VTI1A: variants seen among roughly 807,000 people sequenced by gnomAD.
VTI1A encodes vesicle transport through interaction with t-SNAREs 1A, also known as vesicle transport through interaction with t-SNAREs homolog 1A.
Under a neutral mutation model 34.9 loss-of-function variants are expected in VTI1A, and 22 were observed. The observed-to-expected ratio is 0.63, with a 90% CI of 0.45 to 0.90. The LOEUF (loss-of-function observed/expected upper bound fraction) is 0.90. Ranked by LOEUF, VTI1A falls within the 40% of genes least tolerant of loss-of-function variation. The pLI is 0.00. For missense variants in VTI1A, 268 were observed against 275.6 expected (o/e 0.97, Z 0.20); for synonymous variants, 87 against 97.3 (o/e 0.89, Z 0.62).
intron 7 of VTI1A, among the ~76,000 whole-genome samples, chr10:112,812,146 G>A (rs1354498713): frequency 1.3e-5 from 2 of 152,254 alleles, no homozygotes; most frequent in Non-Finnish European, 2.9e-5. Flanking sequence ...AATGCAGCAT[G>A]CAAATGCACA....
chr10:112,818,757 C>T (rs1047956349), downstream of VTI1A: 11 of 187,818 alleles, frequency 5.9e-5, no homozygotes, highest in Admixed American at 1.2e-4. Flanking sequence ...ATTTGTTTAT[C>T]GCTTTTTTTT....
chr10:112,501,109 A>G (rs1268930737), intron 3 of VTI1A, among the ~76,000 whole-genome samples: 1 of 152,222 alleles, frequency 6.6e-6, no homozygotes, highest in African/African-American at 2.4e-5. Context: ...CTCACAGTTC[A>G]GGAACCTGTT....
At chr10:112,559,527 C>G (rs1458005069) in intron 5 of VTI1A, among the ~76,000 whole-genome samples, 1 of 152,006 alleles carries the variant, frequency 6.6e-6, no homozygotes, top group East Asian at 1.9e-4. Context: ...TCACTGCAGG[C>G]CTCCTTCCCA....
intron 1 of VTI1A, among the ~76,000 whole-genome samples, chr10:112,459,980 AG>A (rs1331532174): frequency 5.9e-5 from 9 of 152,210 alleles, no homozygotes; most frequent in African/African-American, 1.9e-4. Flanking sequence ...TTTCTTGCCC[AG>A]GATCCCATAA....
intron 5 of VTI1A, among the ~76,000 whole-genome samples, chr10:112,653,205 T>G (rs190820930): frequency 1.6e-3 from 240 of 152,314 alleles, no homozygotes; most frequent in Non-Finnish European, 2.6e-3. Context: ...AGCTGAAGTG[T>G]TTCCATTTGA....
At position 112,616,767 on chromosome 10, in the gene VTI1A, A is replaced by G. The variant is rs370192597; in HGVS notation, c.428-51451A>G. 1.8e-3 allele frequency among the ~76,000 whole-genome samples: 272 copies of G among 152,312 alleles called. 1 individual carries two copies. The highest frequency in any genetic ancestry group is 6.8e-3 in the Middle Eastern group (2 of 294). ...GAACCATACAGAACTTTTTGAAATTAAAATCTGGAGGAATGGATTTAAAAG... is the reference window on the plus strand; with the variant it reads ...GAACCATACAGAACTTTTTGAAATTGAAATCTGGAGGAATGGATTTAAAAG... On this transcript the variant is annotated intron_variant, in intron 5 of 7. Transcript: ENST00000393077.
intron 7 of VTI1A, among the ~76,000 whole-genome samples, chr10:112,709,306 A>T (rs11196067): frequency 0.32 from 48,457 of 152,076 alleles, 9,335 homozygotes; most frequent in Admixed American, 0.42. Context: ...TCACAGATAA[A>T]GAGTATACAA....
At chr10:112,748,787 G>A (rs959336069) in intron 7 of VTI1A, among the ~76,000 whole-genome samples, 4 of 149,150 alleles carry the variant, frequency 2.7e-5, no homozygotes, top group African/African-American at 7.7e-5. Context: ...CACCATGCCC[G>A]GCTAATTTTT....
chr10:112,749,082 T>C (rs560212211), intron 7 of VTI1A, among the ~76,000 whole-genome samples: 1 of 152,244 alleles, frequency 6.6e-6, no homozygotes, highest in Non-Finnish European at 1.5e-5. Context: ...AGACTGATTT[T>C]CTAACAGAAC....
At chr10:112,669,587 A>G (rs529011068) in intron 7 of VTI1A, among the ~76,000 whole-genome samples, 5 of 152,332 alleles carry the variant, frequency 3.3e-5, no homozygotes, top group African/African-American at 1.2e-4. Flanking sequence ...AAATAGATGA[A>G]TGAATGTAGG....
chr10:112,509,863 T>C (rs906969687), intron 3 of VTI1A, among the ~76,000 whole-genome samples: 1 of 152,234 alleles, frequency 6.6e-6, no homozygotes, highest in African/African-American at 2.4e-5. Flanking sequence ...GGTAAGCTTC[T>C]TTGTGAAAGG....
intron 7 of VTI1A, among the ~76,000 whole-genome samples, chr10:112,738,112 A>G (rs1052335881): frequency 5.1e-4 from 78 of 152,260 alleles, no homozygotes; most frequent in African/African-American, 1.9e-3. Context: ...GTAGGAAGGG[A>G]GTTTAGATTC....
At chr10:112,491,792 C>T (rs1848833775) in intron 3 of VTI1A, among the ~76,000 whole-genome samples, 1 of 152,156 alleles carries the variant, frequency 6.6e-6, no homozygotes, top group Non-Finnish European at 1.5e-5. Flanking sequence ...GTAACTACTG[C>T]ACCACATTAT....
At chr10:112,568,520 A>C (rs1474956168) in intron 5 of VTI1A, among the ~76,000 whole-genome samples, 1 of 152,062 alleles carries the variant, frequency 6.6e-6, no homozygotes, top group Non-Finnish European at 1.5e-5. Context: ...CAAAAAAAAA[A>C]AATTGTGATG....
intron 3 of VTI1A, among the ~76,000 whole-genome samples, chr10:112,510,624 G>A (rs944257116): frequency 6.6e-6 from 1 of 151,926 alleles, no homozygotes; most frequent in African/African-American, 2.4e-5. Flanking sequence ...CGACAGTGAG[G>A]CTTTGACTCA....
chr10:112,776,497 C>G (rs758746527), intron 7 of VTI1A, among the ~76,000 whole-genome samples: 24 of 152,094 alleles, frequency 1.6e-4, no homozygotes, highest in Admixed American at 4.6e-4. Flanking sequence ...GAGAGATTAT[C>G]TCACAGCTGC....
chr10:112,457,788 A>G (rs548958925), intron 1 of VTI1A, among the ~76,000 whole-genome samples: 2 of 152,336 alleles, frequency 1.3e-5, no homozygotes, highest in African/African-American at 4.8e-5. Context: ...TGAAAAATAC[A>G]ATGCCTAACA....
chr10:112,672,665 C>A (rs1847892606), intron 7 of VTI1A: 1 of 152,110 alleles, frequency 6.6e-6, no homozygotes, highest in Admixed American at 6.6e-5. Flanking sequence ...CACTAGGAGA[C>A]TTAAATGTCT....
intron 3 of VTI1A, among the ~76,000 whole-genome samples, chr10:112,466,341 T>G (rs745753010): frequency 1.9e-4 from 29 of 152,196 alleles, no homozygotes; most frequent in Non-Finnish European, 4.3e-4. Flanking sequence ...GTTTTGTATG[T>G]GAATGGCTAC....
Sources: gnomAD v4.1 joint callset for allele counts (sites outside exome capture counted in the v4.1 genomes callset) on GRCh38, gnomAD v4.1.1 for gene constraint, MANE v1.5 for transcripts, NCBI Gene and HGNC (gene_info 2026-07-23, HGNC 2026-07-21) for gene names.